The following ARHGEF38 variants were observed in gnomAD, a reference collection of about 807,000 sequenced individuals.
ARHGEF38 encodes Rho guanine nucleotide exchange factor 38, also known as Rho guanine nucleotide exchange factor (GEF) 38.
In ARHGEF38, 79 loss-of-function variants were observed where a neutral mutation model predicts 79.9. The ratio of observed to expected loss-of-function variants is 0.99; its 90% CI spans 0.82 to 1.19. The LOEUF is 1.19. Among genes scored for constraint, ARHGEF38 ranks in the 50% most tolerant of loss-of-function variants. The probability of loss-of-function intolerance (pLI) is 0.00; values close to 1 mark genes in which losing one functional copy is unlikely to be tolerated. For synonymous variants in ARHGEF38, 366 were observed against 328.3 expected, an observed-to-expected ratio of 1.11 and a Z score of -1.24; for missense variants, 962 against 907.2, an observed-to-expected ratio of 1.06 and a Z score of -0.78.
At chr4:105,668,780 G>A (rs1230473356) in intron 13 of ARHGEF38, among the ~76,000 whole-genome samples, 1 of 152,162 alleles carries the variant, frequency 6.6e-6, no homozygotes, top group Non-Finnish European at 1.5e-5. Context: ...GGGCTTGGTG[G>A]CTCATGCCTG....
intron 1 of ARHGEF38, among the ~76,000 whole-genome samples, chr4:105,586,939 T>C (rs1275802606): frequency 1.5e-5 from 2 of 129,484 alleles, no homozygotes; most frequent in East Asian, 5.2e-4. Flanking sequence ...CTATGTATAA[T>C]ACATCAAAAT....
intron 1 of ARHGEF38, among the ~76,000 whole-genome samples, chr4:105,571,892 G>A (rs1726252925): frequency 6.6e-6 from 1 of 152,160 alleles, no homozygotes; most frequent in African/African-American, 2.4e-5. Context: ...ATTTGATGCA[G>A]CATACATATG....
At chr4:105,610,538 T>C (rs1343824242) in intron 2 of ARHGEF38, among the ~76,000 whole-genome samples, 1 of 152,074 alleles carries the variant, frequency 6.6e-6, no homozygotes, top group Admixed American at 6.6e-5. Flanking sequence ...AATACATGCT[T>C]CCTTGAATTT....
chr4:105,659,013 T>C, intron 9 of ARHGEF38, 41 bp from the exon 10 acceptor site: 1 of 1,490,462 alleles, frequency 6.7e-7, no homozygotes, highest in Non-Finnish European at 8.9e-7. Flanking sequence ...AGGTATGGGC[T>C]GATCCTCTCT....
intron 2 of ARHGEF38, among the ~76,000 whole-genome samples, chr4:105,607,509 A>G (rs1186255106): frequency 1.3e-5 from 2 of 151,160 alleles, no homozygotes; most frequent in African/African-American, 4.9e-5. Flanking sequence ...TAGAGTACTC[A>G]TAAAGGCAAT....
chr4:105,611,814 G>A (rs902637059), intron 2 of ARHGEF38, among the ~76,000 whole-genome samples: 8 of 151,994 alleles, frequency 5.3e-5, no homozygotes, highest in African/African-American at 1.9e-4. Context: ...GACAATTTCA[G>A]AATACATAAA....
At chr4:105,631,601 C>G in intron 4 of ARHGEF38, 1 of 985,156 alleles carries the variant, frequency 1.0e-6, no homozygotes, top group Non-Finnish European at 1.2e-6. Flanking sequence ...TTTTTCTTTT[C>G]TAGAGGAAGT....
chr4:105,561,455 GAATAGAATAGAATAGAATA>G (rs1725571632), intron 1 of ARHGEF38: 21 of 64,228 alleles, frequency 3.3e-4, no homozygotes, highest in Middle Eastern at 7.8e-3. Context: ...GAATGGAATA[GAATAGAATAGAATAGAATA>G]GAATAGAATA....
rs1405308807 is a variant in ARHGEF38, at chr4:105,659,127, T to C, written c.1307T>C (p.Leu436Pro). 6.5e-7 allele frequency: 1 copy of C among 1,536,094 alleles called. No homozygotes were observed. The highest frequency in any genetic ancestry group is 2.4e-5 in the East Asian group (1 of 40,906). The change falls in exon 10 of 14, where the codon CTC becomes CCC. Residue 436 changes from leucine to proline, a missense_variant. By Grantham distance (98) the Leu-to-Pro change is moderately conservative. Transcript: ENST00000420470. ...TCCTTATTCCCAGGGCCTCACAAGC[T>C]CATCCAGAAACGCTATGACAAACTG... is the stretch of plus-strand genomic sequence containing the variant. The part of the protein sequence containing the change: ...LLSLFPGPHK[L>P]IQKRYDKLLD...
chr4:105,671,400 C>G (rs530630539), intron 13 of ARHGEF38, among the ~76,000 whole-genome samples: 101 of 152,214 alleles, frequency 6.6e-4, no homozygotes, highest in African/African-American at 2.4e-3. Flanking sequence ...AAGAGAAGGC[C>G]GCATGGAAAT....
intron 10 of ARHGEF38, among the ~76,000 whole-genome samples, chr4:105,661,193 G>T (rs1422158607): frequency 1.3e-5 from 2 of 152,074 alleles, no homozygotes; most frequent in African/African-American, 4.8e-5. Context: ...ACATTCCATT[G>T]TATGAATATA....
chr4:105,599,151 C>G (rs908294631), intron 2 of ARHGEF38, among the ~76,000 whole-genome samples: 2 of 152,076 alleles, frequency 1.3e-5, no homozygotes, highest in Non-Finnish European at 2.9e-5. Context: ...AAGGAAATCT[C>G]TTATCTTTGC....
intron 1 of ARHGEF38, among the ~76,000 whole-genome samples, chr4:105,572,889 C>T (rs929515804): frequency 2.0e-5 from 3 of 152,148 alleles, no homozygotes; most frequent in Non-Finnish European, 2.9e-5. Context: ...CACATCCTTG[C>T]CAACACCTCT....
chr4:105,634,500 T>C (rs967650805), intron 4 of ARHGEF38, among the ~76,000 whole-genome samples: 1 of 152,178 alleles, frequency 6.6e-6, no homozygotes, highest in Non-Finnish European at 1.5e-5. Flanking sequence ...CTAAAGATCT[T>C]ATTACTTAGC....
rs771256401 is a variant in ARHGEF38, at chr4:105,630,946, T to G, written c.557T>G (p.Ile186Ser). 5.6e-6 allele frequency: 9 copies of G among 1,612,592 alleles called. No individual in the cohort carries two copies. Among genetic ancestry groups the G allele is most frequent in the Admixed American group, 1.7e-5 (1 of 59,782 alleles). ...IKGPLEDIYK[I>S]YCYHHDEAHS... ...GGGCCACTGGAAGATATTTATAAAA[T>G]CTACTGCTATCACCATGATGAAGCA... The change falls in exon 4 of 14, where the codon ATC becomes AGC. Residue 186 changes from isoleucine (I) to serine (S), a missense_variant. Ile to Ser is a moderately radical substitution (Grantham distance 142). Coordinates refer to ENST00000420470, the MANE Select transcript of ARHGEF38 (RefSeq NM_001242729.2).
At chr4:105,660,268 T>C (rs1317657173) in intron 10 of ARHGEF38, among the ~76,000 whole-genome samples, 13 of 152,156 alleles carry the variant, frequency 8.5e-5, no homozygotes. Flanking sequence ...TGTTAGTTTA[T>C]TTTTATGCAT....
At chr4:105,577,841 T>C (rs1394068932) in intron 1 of ARHGEF38, among the ~76,000 whole-genome samples, 1 of 152,148 alleles carries the variant, frequency 6.6e-6, no homozygotes, top group African/African-American at 2.4e-5. Flanking sequence ...ATCTTGCTAA[T>C]GGCCTATCAA....
chr4:105,581,461 T>C (rs116298922), intron 1 of ARHGEF38, among the ~76,000 whole-genome samples: 4,531 of 152,248 alleles, frequency 0.03, 242 homozygotes, highest in African/African-American at 0.1. Flanking sequence ...TCTCCTAACC[T>C]CTCTCACATA....
chr4:105,619,766 T>G (rs1460373640), intron 3 of ARHGEF38, among the ~76,000 whole-genome samples: 2 of 152,208 alleles, frequency 1.3e-5, no homozygotes, highest in African/African-American at 4.8e-5. Flanking sequence ...AAGGCCTCTC[T>G]GAGCCAAACG....
Sources: allele counts gnomAD v4.1 joint callset (sites outside exome capture counted in the v4.1 genomes callset), GRCh38; gene constraint gnomAD v4.1.1; transcripts MANE v1.5; gene names NCBI Gene and HGNC (gene_info 2026-07-23, HGNC 2026-07-21).